PCDHGA8: variants seen among roughly 807,000 people sequenced by gnomAD.
PCDHGA8 encodes the protein protocadherin gamma-A8.
A neutral mutation model predicts 59.2 loss-of-function variants in PCDHGA8; 45 were observed. The observed-to-expected ratio is 0.76, with a 90% confidence interval of 0.60 to 0.98. The LOEUF is 0.98. PCDHGA8 is among the 50% of genes least tolerant of loss of function. PCDHGA8 has a pLI of 0.00. For missense variants in PCDHGA8, 1,257 were observed against 1,196.2 expected (o/e 1.05, Z -0.75); for synonymous variants, 531 against 519.0 (o/e 1.02, Z -0.32).
In PCDHGA8 at chr5:141,393,147, G is replaced by A; in HGVS notation, c.334G>A (p.Asp112Asn). 1.2e-6 allele frequency: 2 copies of A among 1,613,298 alleles called. No homozygotes were observed. The highest frequency in any genetic ancestry group is 1.7e-6 in the Non-Finnish European group (2 of 1,179,900). Residue 112 changes from aspartate (D) to asparagine (N), a missense_variant, in exon 1 of 4, where the codon GAT becomes AAT. Coordinates refer to ENST00000398604, the MANE Select transcript of PCDHGA8 (RefSeq NM_032088.2). ...GATAAATATTAACACCCTGGTTGAG[G>A]ATAAAGGAAAACTCTTTGGGGTAGA... is the stretch of plus-strand genomic sequence containing the variant. ...CLININTLVE[D>N]KGKLFGVEIE...
chr5:141,413,111 AG>A lies in PCDHGA8; in HGVS notation c.2424+17876del, dbSNP rs962952666. ...ACACCCTGAAGCCACAGAAAGACAA[AG>A]GAACCGGTTGAAACACACAACGTGT... On this transcript the variant is annotated intron_variant, in intron 1 of 3. Transcript: ENST00000398604. 4.7e-6 allele frequency: 7 copies of A among 1,499,852 alleles called. No individual in the cohort carries two copies. In the African/African-American group the frequency reaches 8.4e-5, roughly 18 times the overall value. 92.9% of individuals were successfully genotyped at this position (1,499,852 alleles called of 1,614,324 possible). A position where few individuals can be genotyped will look rare whatever the true frequency, so the allele number is the denominator to read the frequency against.
chr5:141,400,476 C>T (rs2094027348), intron 1 of PCDHGA8: 2 of 1,613,846 alleles, frequency 1.2e-6, no homozygotes, highest in African/African-American at 2.7e-5. Context: ...CATCTGGGGC[C>T]TTATTTCCAC....
intron 1 of PCDHGA8, among the ~76,000 whole-genome samples, chr5:141,437,913 T>G (rs1232481433): frequency 6.6e-6 from 1 of 152,138 alleles, no homozygotes; most frequent in East Asian, 1.9e-4. Context: ...AATTTTTGTA[T>G]TTTTAGTAGA....
In PCDHGA8 at chr5:141,392,800, G is replaced by T. The variant is rs1394780689; in HGVS notation, c.-14G>T. The T allele has an allele frequency of 6.4e-7, 1 of 1,570,722 alleles. No individual in the cohort carries two copies. Among genetic ancestry groups the T allele is most frequent in the African/African-American group, 1.4e-5 (1 of 73,480 alleles). On this transcript the variant is annotated 5_prime_UTR_variant, in exon 1 of 4. Transcript: ENST00000398604. ...ACAGTGAAGATTCTGAGAGGATTCT[G>T]CAGCAAAACAACAATGGCCGCTCCA... is the stretch of plus-strand genomic sequence containing the variant.
At chr5:141,505,361 A>G (rs2099845711) in intron 2 of PCDHGA8, 32 bp from the exon 3 acceptor site, 1 of 1,613,910 alleles carries the variant, frequency 6.2e-7, no homozygotes, top group South Asian at 1.1e-5. Context: ...CCGGCCTGGG[A>G]GTCTGTGCTC....
chr5:141,509,303 G>A (rs911736752), intron 3 of PCDHGA8, among the ~76,000 whole-genome samples: 1 of 152,210 alleles, frequency 6.6e-6, no homozygotes, highest in Admixed American at 6.5e-5. Context: ...GGAGGCAGAG[G>A]GAGGCTGGGA....
At chr5:141,500,223 T>G (rs1034982746) in intron 2 of PCDHGA8, among the ~76,000 whole-genome samples, 16 of 145,318 alleles carry the variant, frequency 1.1e-4, no homozygotes, top group African/African-American at 3.4e-4. Context: ...TTTATTTATT[T>G]ATTGATACGT....
Position 141,415,740 on chromosome 5 carries a change from G to GTTTTTTTTTTTTTTT in PCDHGA8, c.2424+20521_2424+20535dup, listed in dbSNP as rs57426385. 67 of 625,038 alleles carry GTTTTTTTTTTTTTTT rather than the reference G, an allele frequency of 1.1e-4. 1 individual carries two copies. Among genetic ancestry groups the GTTTTTTTTTTTTTTT allele is most frequent in the African/African-American group, 2.5e-4 (10 of 39,932 alleles). The allele number at this position is 625,038 out of a possible 1,614,324, so 38.7% of individuals were successfully genotyped here. A position where few individuals can be genotyped will look rare whatever the true frequency, so the allele number is the denominator to read the frequency against. ...TGAGTAGAATTTGATGTTTATTAAG[G>GTTTTTTTTTTTTTTT]TTTTTTTTTTTTTTTTTTTTTTTTT... On this transcript the variant is annotated intron_variant, in intron 1 of 3. Coordinates refer to ENST00000398604, the MANE Select transcript of PCDHGA8 (RefSeq NM_032088.2).
intron 1 of PCDHGA8, chr5:141,400,298 A>G (rs2093998591): frequency 6.2e-7 from 1 of 1,613,974 alleles, no homozygotes; most frequent in Non-Finnish European, 8.5e-7. Context: ...AGCTGCTTCC[A>G]ACCTGGTCTC....
At chr5:141,448,000 C>T (rs1363676731) in intron 1 of PCDHGA8, among the ~76,000 whole-genome samples, 3 of 151,840 alleles carry the variant, frequency 2.0e-5, no homozygotes, top group Non-Finnish European at 4.4e-5. Flanking sequence ...GCATGAGAAT[C>T]GCTTGAACCC....
intron 1 of PCDHGA8, chr5:141,430,780 C>T: frequency 6.6e-7 from 1 of 1,511,476 alleles, no homozygotes; most frequent in Non-Finnish European, 8.8e-7. Flanking sequence ...CGCGACTGCA[C>T]CGGGACTACA....
intron 2 of PCDHGA8, among the ~76,000 whole-genome samples, chr5:141,502,152 C>T (rs1306227782): frequency 2.0e-5 from 3 of 152,128 alleles, no homozygotes; most frequent in African/African-American, 4.8e-5. Flanking sequence ...AAGTAAGGAC[C>T]CCAGATATTC....
chr5:141,451,009 T>C (rs1437016950), intron 1 of PCDHGA8, among the ~76,000 whole-genome samples: 1 of 151,566 alleles, frequency 6.6e-6, no homozygotes, highest in East Asian at 1.9e-4. Context: ...GTATTTTTTT[T>C]AGTAGAGACG....
intron 1 of PCDHGA8, chr5:141,409,246 C>A (rs771759898): frequency 1.2e-6 from 2 of 1,614,032 alleles, no homozygotes; most frequent in Admixed American, 3.3e-5. Context: ...CAGAAATAAT[C>A]ATCACTTCTC....
At chr5:141,473,511 C>T (rs952034051) in intron 1 of PCDHGA8, among the ~76,000 whole-genome samples, 23 of 152,108 alleles carry the variant, frequency 1.5e-4, no homozygotes, top group Non-Finnish European at 3.1e-4. Flanking sequence ...GAGAGCATAA[C>T]AAAGGATCCT....
Position 141,490,749 on chromosome 5 carries a change from C to T in PCDHGA8, c.2425-4058C>T, listed in dbSNP as rs777124697. 3.1e-6 allele frequency: 5 copies of T among 1,614,098 alleles called. No individual in the cohort carries two copies. The South Asian group carries it at 5.5e-5, about 18-fold the overall frequency. ...GAAATCAGGTTCAGGGAGCCCCAGC[C>T]TCCTCCTTTGTGTATGTCAACCCAG... On this transcript the variant is annotated intron_variant, in intron 1 of 3. Coordinates refer to ENST00000398604, the MANE Select transcript of PCDHGA8 (RefSeq NM_032088.2). The surrounding 1 kb of genome is among the most constrained non-coding windows in gnomAD (Gnocchi z 5.4).
Position 141,431,205 on chromosome 5 carries a change from A to T in PCDHGA8, c.2424+35968A>T, listed in dbSNP as rs1438031040. ...AAAATTAGTGAAAATGCAGCCACTG[A>T]GATGCGGTTCCCTCTACCCCACGCC... On this transcript the variant is annotated intron_variant, in intron 1 of 3. Transcript: ENST00000398604. This position sits in a 1 kb window ranked among gnomAD's most constrained non-coding sequence, Gnocchi z 4.8. 1.1e-5 allele frequency: 18 copies of T among 1,614,092 alleles called. No homozygotes were observed. Among genetic ancestry groups the T allele is most frequent in the Non-Finnish European group, 1.5e-5 (18 of 1,180,056 alleles).
At chr5:141,417,712 C>T in intron 1 of PCDHGA8, 1 of 1,270,436 alleles carries the variant, frequency 7.9e-7, no homozygotes, top group Non-Finnish European at 1.1e-6. Context: ...ACAGAGGCTC[C>T]CGGCTGCGCA....
rs1426255577 is a variant in PCDHGA8, at chr5:141,512,797, TG to T, written c.*1625del. 6.6e-6 allele frequency: 1 copy of T among 152,300 alleles called. No homozygotes were observed. Among genetic ancestry groups the T allele is most frequent in the African/African-American group, 2.4e-5 (1 of 41,444 alleles). The allele number at this position is 152,300 out of a possible 1,614,324, so 9.4% of individuals were successfully genotyped here. On this transcript the variant is annotated 3_prime_UTR_variant, in exon 4 of 4. Transcript: ENST00000398604. ...GCGGCCCGTGTTGTGTTTTGTGCTGTGTCCACGCGCTAAGGCGACCCCCTCC... is the reference window on the plus strand; with the variant it reads ...GCGGCCCGTGTTGTGTTTTGTGCTGTTCCACGCGCTAAGGCGACCCCCTCC...
Sources: allele counts gnomAD v4.1 joint callset (sites outside exome capture counted in the v4.1 genomes callset), GRCh38; gene constraint gnomAD v4.1.1; non-coding constraint Gnocchi (gnomAD v3.1); transcripts MANE v1.5; gene names NCBI Gene and HGNC (gene_info 2026-07-23, HGNC 2026-07-21).